The following DCT variants were observed in gnomAD, a reference collection of about 807,000 sequenced individuals.
DCT encodes the protein dopachrome tautomerase, also known as L-dopachrome tautomerase.
DCT carries 47 observed loss-of-function variants against 53.0 expected under a neutral mutation model. The ratio of observed to expected loss-of-function variants is 0.89; its 90% CI spans 0.70 to 1.13. The LOEUF is 1.13. Among genes scored for constraint, DCT ranks in the 50% most tolerant of loss-of-function variants. DCT has a pLI of 0.00. For missense variants in DCT, 669 were observed against 637.4 expected, an observed-to-expected ratio of 1.05 and a Z score of -0.53; for synonymous variants, 244 against 237.0, an observed-to-expected ratio of 1.03 and a Z score of -0.27.
chr13:94,442,188 A>G (rs1882373483), intron 7 of DCT, among the ~76,000 whole-genome samples: 1 of 152,182 alleles, frequency 6.6e-6, no homozygotes, highest in African/African-American at 2.4e-5. Flanking sequence ...ACTCAGGTCA[A>G]AGAGAGAGAG....
At chr13:94,472,955 C>T (rs769461725) in intron 1 of DCT, among the ~76,000 whole-genome samples, 1 of 152,124 alleles carries the variant, frequency 6.6e-6, no homozygotes, top group Non-Finnish European at 1.5e-5. Flanking sequence ...AATTGTTTGT[C>T]TTCATATCTG....
intron 1 of DCT, among the ~76,000 whole-genome samples, chr13:94,472,548 ATATATATATATATATATATATTTTTTTTT>A (rs1884766812): frequency 3.9e-5 from 1 of 25,476 alleles, no homozygotes; most frequent in African/African-American, 1.9e-4. Flanking sequence ...ATATATATAT[ATATATATATATATATATATATTTTTTTTT>A]TTTTTTTTTT....
intron 6 of DCT, chr13:94,445,819 G>A: frequency 7.9e-7 from 1 of 1,265,362 alleles, no homozygotes; most frequent in Non-Finnish European, 1.1e-6. Context: ...TTCTCAGTGT[G>A]AGCTGAATTG....
chr13:94,451,145 T>G (rs1470852384), intron 6 of DCT, among the ~76,000 whole-genome samples: 1 of 152,128 alleles, frequency 6.6e-6, no homozygotes, highest in African/African-American at 2.4e-5. Context: ...TCAGCTCTTA[T>G]AAAACTCATC....
intron 6 of DCT, among the ~76,000 whole-genome samples, chr13:94,444,859 C>T (rs1249327873): frequency 1.3e-5 from 2 of 152,132 alleles, no homozygotes; most frequent in Admixed American, 6.5e-5. Context: ...TATCTATGTC[C>T]CCTAACAAGA....
chr13:94,530,111 T>C, the DCT span, among the ~76,000 whole-genome samples: 1 of 152,106 alleles, frequency 6.6e-6, no homozygotes, highest in Admixed American at 6.6e-5. Flanking sequence ...TAGACCTCAA[T>C]TTCTGAACAG....
chr13:94,510,531 G>GA, the DCT span, among the ~76,000 whole-genome samples: 1 of 152,194 alleles, frequency 6.6e-6, no homozygotes, highest in Non-Finnish European at 1.5e-5. Flanking sequence ...AGCACATGTT[G>GA]AAACAATGAT....
At chr13:94,524,702 A>G in the DCT span, among the ~76,000 whole-genome samples, 1 of 151,810 alleles carries the variant, frequency 6.6e-6, no homozygotes, top group South Asian at 2.1e-4. Context: ...TTTCTGGAGA[A>G]CCCTAGTAGG....
the DCT span, among the ~76,000 whole-genome samples, chr13:94,521,311 A>T: frequency 1.3e-5 from 2 of 152,228 alleles, no homozygotes; most frequent in African/African-American, 2.4e-5. Context: ...AGTTACTATT[A>T]TTGTCAATAG....
chr13:94,466,576 A>G lies in DCT; in HGVS notation c.678T>C (p.Cys226=), dbSNP rs1401982653. 6.2e-7 allele frequency: 1 copy of G among 1,608,708 alleles called. No homozygotes were observed. Among genetic ancestry groups the G allele is most frequent in the African/African-American group, 1.3e-5 (1 of 74,914 alleles). ...GACCTACCTGGAGATCTCTTTCCAG[A>G]CACAACAAATGGTACCGGTGCCAGG... is the stretch of plus-strand genomic sequence containing the variant. ...FVTWHRYHLL[C]LERDLQRLIG... is the part of the protein sequence containing the mutation. The change falls in exon 3 of 8, where the codon TGT becomes TGC. Residue 226 remains cysteine (C), a synonymous_variant. Transcript: ENST00000377028.
the DCT span, among the ~76,000 whole-genome samples, chr13:94,517,699 A>G: frequency 2.6e-5 from 4 of 152,232 alleles, no homozygotes. Context: ...GTGTCCTTAT[A>G]TGAGATATAC....
chr13:94,458,590 T>C (rs1883561470), intron 6 of DCT, among the ~76,000 whole-genome samples: 1 of 151,744 alleles, frequency 6.6e-6, no homozygotes, highest in African/African-American at 2.4e-5. Context: ...GATCAGGAGG[T>C]CAGGTGTTTG....
At chr13:94,472,569 T>TA (rs1884808955) in intron 1 of DCT, among the ~76,000 whole-genome samples, 1 of 9,828 alleles carries the variant, frequency 1.0e-4, no homozygotes, top group Non-Finnish European at 1.6e-4. Context: ...TATATATATA[T>TA]TTTTTTTTTT....
the DCT span, among the ~76,000 whole-genome samples, chr13:94,502,514 C>G: frequency 6.6e-6 from 1 of 152,182 alleles, no homozygotes; most frequent in Non-Finnish European, 1.5e-5. Flanking sequence ...TTAACTATTG[C>G]ACCTGCGTTC....
At chr13:94,503,290 G>A in the DCT span, among the ~76,000 whole-genome samples, 7 of 151,908 alleles carry the variant, frequency 4.6e-5, no homozygotes, top group Admixed American at 3.9e-4. Flanking sequence ...TGAGGTAGGA[G>A]GATTGCCTGA....
the DCT span, among the ~76,000 whole-genome samples, chr13:94,491,828 C>T: frequency 6.6e-6 from 1 of 152,176 alleles, no homozygotes; most frequent in Non-Finnish European, 1.5e-5. Flanking sequence ...AGTACTGGAT[C>T]TCCTCTCAGA....
At position 94,468,837 on chromosome 13, in the gene DCT, C is replaced by T. The variant is rs748407538; in HGVS notation, c.504G>A (p.Gly168=). ...CAAACTGCGGCTGGGTTCCATTGGGCCCAAGCAGGCCCAGCCAGTGTTGTG... is the reference window on the plus strand; with the variant it reads ...CAAACTGCGGCTGGGTTCCATTGGGTCCAAGCAGGCCCAGCCAGTGTTGTG... ...ITTQHWLGLL[G]PNGTQPQFAN... Residue 168 remains glycine, a synonymous_variant, in exon 2 of 8, where the codon GGG becomes GGA. Transcript: ENST00000377028. 9 of 1,614,158 alleles carry T rather than the reference C, an allele frequency of 5.6e-6. No homozygotes were observed. In the South Asian group the frequency reaches 9.9e-5, roughly 18 times the overall value.
chr13:94,492,206 G>T, the DCT span, among the ~76,000 whole-genome samples: 1 of 152,156 alleles, frequency 6.6e-6, no homozygotes, highest in South Asian at 2.1e-4. Flanking sequence ...AGTATTTATT[G>T]AATGAACTTA....
chr13:94,496,675 A>G, the DCT span, among the ~76,000 whole-genome samples: 1 of 152,222 alleles, frequency 6.6e-6, no homozygotes, highest in Admixed American at 6.5e-5. Context: ...GTTTGCATTT[A>G]ATAGGTTGAG....
Sources: allele counts gnomAD v4.1 joint callset (sites outside exome capture counted in the v4.1 genomes callset), GRCh38; gene constraint gnomAD v4.1.1; transcripts MANE v1.5; gene names NCBI Gene and HGNC (gene_info 2026-07-23, HGNC 2026-07-21).